MGA: variants seen among roughly 807,000 people sequenced by gnomAD.
MGA encodes MAX gene-associated protein.
In MGA, 40 loss-of-function variants were observed where a neutral mutation model predicts 261.1. The ratio of observed to expected loss-of-function variants is 0.15; its 90% confidence interval spans 0.12 to 0.20. The LOEUF (loss-of-function observed/expected upper bound fraction) is 0.20. MGA is among the 10% of genes least tolerant of loss of function. The probability of loss-of-function intolerance (pLI) is 1.00; values close to 1 mark genes in which losing one functional copy is unlikely to be tolerated. For missense variants in MGA, 3,397 were observed against 3,630.5 expected, an observed-to-expected ratio of 0.94 and a Z score of 1.65; for synonymous variants, 1,302 against 1,290.6, an observed-to-expected ratio of 1.01 and a Z score of -0.19.
At chr15:41,633,797 T>A (rs1341789761) in intron 1 of MGA, among the ~76,000 whole-genome samples, 2 of 152,172 alleles carry the variant, frequency 1.3e-5, no homozygotes, top group African/African-American at 4.8e-5. Flanking sequence ...AGTCCAGTCA[T>A]ATCGTTCCTC....
intron 2 of MGA, among the ~76,000 whole-genome samples, chr15:41,692,735 G>A (rs2059349001): frequency 6.6e-6 from 1 of 151,898 alleles, no homozygotes; most frequent in South Asian, 2.1e-4. Flanking sequence ...TTTTTGAGAC[G>A]GAGTCTCACT....
chr15:41,707,625 C>A (rs1444906997), intron 5 of MGA, 103 bp from the exon 6 acceptor site: 24 of 1,115,076 alleles, frequency 2.2e-5, no homozygotes, highest in Non-Finnish European at 2.6e-5. Context: ...TCTCTCTCGA[C>A]CTTACCCCCC....
At chr15:41,741,357 A>AAG (rs949847476) in intron 14 of MGA, among the ~76,000 whole-genome samples, 1 of 150,728 alleles carries the variant, frequency 6.6e-6, no homozygotes, top group Non-Finnish European at 1.5e-5. Flanking sequence ...AAAAAAAAAA[A>AAG]AAAAAAAAAA....
intron 1 of MGA, among the ~76,000 whole-genome samples, chr15:41,645,638 A>G (rs1167044620): frequency 1.3e-5 from 2 of 152,222 alleles, no homozygotes; most frequent in East Asian, 3.8e-4. Flanking sequence ...AAGATTAATC[A>G]CTTTAAATTT....
intron 2 of MGA, among the ~76,000 whole-genome samples, chr15:41,675,400 CTTGCTGTTTG>C (rs1329943861): frequency 1.3e-5 from 2 of 149,734 alleles, no homozygotes; most frequent in Non-Finnish European, 3.0e-5. Context: ...GAGTCAGGAT[CTTGCTGTTTG>C]TTTCCCAGGC....
chr15:41,649,904 C>G (rs143090740), intron 1 of MGA, among the ~76,000 whole-genome samples: 2,287 of 152,304 alleles, frequency 0.015, 77 homozygotes, highest in African/African-American at 0.053. Context: ...TGGTGTCGAA[C>G]TCCTGACCTC....
rs1462336051 is a variant in MGA at position 41,767,264 on chromosome 15, G to A, written c.9182G>A (p.Ser3061Asn). The A allele has an allele frequency of 1.2e-6, 2 of 1,610,772 alleles. No individual in the cohort carries two copies. The highest frequency in any genetic ancestry group is 1.7e-6 in the Non-Finnish European group (2 of 1,177,970). Residue 3061 changes from serine (S) to asparagine (N), a missense_variant, in exon 24 of 24, where the codon AGT becomes AAT. Physicochemically the swap from Ser to Asn is conservative, Grantham distance 46 (BLOSUM62 1). Transcript: ENST00000219905. ...TTGGGCAACTCGGGGGCCTCACCAA[G>A]TTCTGCAGGGAAATGAACTTACTTG...
chr15:41,634,473 A>G (rs2056658234), intron 1 of MGA, among the ~76,000 whole-genome samples: 2 of 152,130 alleles, frequency 1.3e-5, no homozygotes, highest in Admixed American at 1.3e-4. Flanking sequence ...GTGCTCAGTC[A>G]TGGGACACTA....
At chr15:41,763,942 G>T (rs1383644710) in intron 22 of MGA, among the ~76,000 whole-genome samples, 1 of 151,990 alleles carries the variant, frequency 6.6e-6, no homozygotes, top group Non-Finnish European at 1.5e-5. Context: ...AGGATTGCTT[G>T]CACTCAGGAA....
intron 1 of MGA, among the ~76,000 whole-genome samples, chr15:41,634,649 G>T (rs2150572187): frequency 6.6e-6 from 1 of 152,308 alleles, no homozygotes; most frequent in East Asian, 1.9e-4. Flanking sequence ...TGGTGATTTA[G>T]AGGAGTTGCT....
At chr15:41,743,243 G>A in intron 15 of MGA, 71 bp downstream of exon 15, 2 of 1,446,100 alleles carry the variant, frequency 1.4e-6, no homozygotes, top group Non-Finnish European at 1.8e-6. Flanking sequence ...GGTTGTGTTA[G>A]GATTATAGAT....
Position 41,749,180 on chromosome 15 carries a change from C to T in MGA, c.5573C>T (p.Ser1858Phe), listed in dbSNP as rs766164583. 29 of 1,614,012 alleles carry T rather than the reference C, an allele frequency of 1.8e-5. No homozygotes were observed. In the Admixed American group the frequency reaches 4.7e-4, roughly 26 times the overall value. ...GAGACTCCGCCATCTTCCACTTCGTCCTCTGCTTTCTCTGTCATGAATCCT... is the reference window on the plus strand; with the variant it reads ...GAGACTCCGCCATCTTCCACTTCGTTCTCTGCTTTCTCTGTCATGAATCCT... The change falls in exon 17 of 24, where the codon TCC (serine) becomes TTC (phenylalanine). Residue 1858 changes from serine (S) to phenylalanine (F), a missense_variant. Coordinates refer to ENST00000219905, the MANE Select transcript of MGA (RefSeq NM_001164273.2).
At chr15:41,678,944 A>G (rs781691207) in intron 2 of MGA, among the ~76,000 whole-genome samples, 14 of 152,170 alleles carry the variant, frequency 9.2e-5, no homozygotes, top group East Asian at 5.8e-4. Flanking sequence ...TGATTACTAG[A>G]CATTTTCAAA....
chr15:41,670,785 C>T (rs1469595132), intron 2 of MGA, among the ~76,000 whole-genome samples: 2 of 152,128 alleles, frequency 1.3e-5, no homozygotes, highest in Non-Finnish European at 1.5e-5. Flanking sequence ...GGATTACAGG[C>T]GTGAGCCACC....
In MGA at chr15:41,718,481, A is replaced by G. The variant is rs1483709470; in HGVS notation, c.3430+4985A>G. ...TTTTTCGTACAATTTGTGAGTCCAC[A>G]GCTTTCTGATCAATCTTGCACTGCT... On this transcript the variant is annotated intron_variant, in intron 9 of 23. Transcript: ENST00000219905. The G allele has an allele frequency of 7.0e-6, 5 of 711,832 alleles. No homozygotes were observed. The Admixed American group carries it at 7.7e-5, about 11-fold the overall frequency. The allele number at this position is 711,832 out of a possible 1,614,324, so 44.1% of individuals were successfully genotyped here.
intron 2 of MGA, among the ~76,000 whole-genome samples, chr15:41,677,203 G>A (rs748592873): frequency 3.3e-5 from 5 of 152,210 alleles, no homozygotes; most frequent in Non-Finnish European, 7.3e-5. Flanking sequence ...TTGCAGAGGT[G>A]TGATCTTGGC....
chr15:41,694,018 G>A (rs912993817), intron 2 of MGA, among the ~76,000 whole-genome samples: 2 of 152,002 alleles, frequency 1.3e-5, no homozygotes, highest in Non-Finnish European at 2.9e-5. Context: ...AATATTCTGG[G>A]GGGAAAAAAC....
intron 1 of MGA, among the ~76,000 whole-genome samples, chr15:41,631,209 T>A (rs1214884632): frequency 6.6e-6 from 1 of 152,242 alleles, no homozygotes. Context: ...TGCAGTCTTA[T>A]ATCAGTTTTC....
At chr15:41,764,737 T>C (rs2152035013) in intron 22 of MGA, 149 bp from the exon 23 acceptor site, 1 of 728,148 alleles carries the variant, frequency 1.4e-6, no homozygotes, top group Admixed American at 2.9e-5. Flanking sequence ...GGAGATGGGG[T>C]CTCACCATGT....
Sources: allele counts gnomAD v4.1 joint callset (sites outside exome capture counted in the v4.1 genomes callset), GRCh38; gene constraint gnomAD v4.1.1; transcripts MANE v1.5; gene names NCBI Gene and HGNC (gene_info 2026-07-23, HGNC 2026-07-21).